Variants in HIP1 observed in about 807,000 individuals in gnomAD.
The protein encoded by HIP1 is huntingtin-interacting protein 1.
In HIP1, 65 loss-of-function variants were observed where a neutral mutation model predicts 147.6. The observed-to-expected ratio is 0.44, with a 90% CI of 0.36 to 0.54. HIP1 has a LOEUF of 0.54. Among genes scored for constraint, HIP1 ranks in the 20% least tolerant of loss-of-function variants. HIP1 has a pLI of 0.00. For missense variants in HIP1, 1,061 were observed against 1,299.6 expected, an observed-to-expected ratio of 0.82 and a Z score of 2.82; for synonymous variants, 479 against 504.0, an observed-to-expected ratio of 0.95 and a Z score of 0.67.
intron 1 of HIP1, among the ~76,000 whole-genome samples, chr7:75,676,229 T>A (rs1554515986): frequency 6.6e-6 from 1 of 152,194 alleles, no homozygotes; most frequent in African/African-American, 2.4e-5. Context: ...GGTTAGCTAA[T>A]GATTAGACAG....
In HIP1 at chr7:75,559,724, C is replaced by T; in HGVS notation, c.1375+8G>A. ...CGGGGCCCGCCCCCGCCCCCACCCA[C>T]CGCTCACTTTCTATCTCAGACAGGC... is the stretch of plus-strand genomic sequence containing the variant. On this transcript the variant is annotated splice_region_variant and intron_variant, in intron 14 of 30. Coordinates refer to ENST00000336926, the MANE Select transcript of HIP1 (RefSeq NM_005338.7). 1 of 1,511,706 alleles carries T rather than the reference C, an allele frequency of 6.6e-7. No homozygotes were observed. Among genetic ancestry groups the T allele is most frequent in the Admixed American group, 2.3e-5 (1 of 43,208 alleles). 93.6% of individuals were successfully genotyped at this position (1,511,706 alleles called of 1,614,324 possible).
At chr7:75,685,606 T>C (rs1228555266) in intron 1 of HIP1, among the ~76,000 whole-genome samples, 1 of 152,248 alleles carries the variant, frequency 6.6e-6, no homozygotes, top group Non-Finnish European at 1.5e-5. Flanking sequence ...TGGAGTGCAA[T>C]GGTGCAATCT....
chr7:75,732,233 C>A lies in HIP1; in HGVS notation c.120+6568G>T, dbSNP rs115360343. On this transcript the variant is annotated intron_variant, in intron 1 of 30. Transcript: ENST00000336926. ...AAATCACCCAGCATGTTCCTGGTAC[C>A]CAGCAGGCCCTCAATAAATATTTGT... Among the ~76,000 whole-genome samples, 267 of 152,246 alleles carry A rather than the reference C, an allele frequency of 1.8e-3. 1 individual carries two copies. Among genetic ancestry groups the A allele is most frequent in the African/African-American group, 6.4e-3 (264 of 41,570 alleles).
Position 75,573,852 on chromosome 7 carries a change from C to T in HIP1, c.654G>A (p.Gly218=), listed in dbSNP as rs1554497129. 6.2e-7 allele frequency: 1 copy of T among 1,614,104 alleles called. No individual in the cohort carries two copies. The highest frequency in any genetic ancestry group is 8.5e-7 in the Non-Finnish European group (1 of 1,179,978). The change falls in exon 8 of 31, where the codon GGG becomes GGA. Residue 218 remains glycine (G), a synonymous_variant. Transcript: ENST00000336926. ...GGATCAGCGGGGCGAGGCGGCACTG[C>T]CCTGCTGCCGTCACGGACACAGAGC... The part of the protein sequence containing the change: ...MSRSVSVTAA[G]QCRLAPLIQV...
chr7:75,688,616 C>G (rs1800345358), intron 1 of HIP1, among the ~76,000 whole-genome samples: 1 of 152,098 alleles, frequency 6.6e-6, no homozygotes. Flanking sequence ...GGTCTGGCCC[C>G]GAGCCCACCA....
rs1013214512 is a variant in HIP1, at chr7:75,584,365, A to G, written c.466-2214T>C. ...AATGCTGGGATTGCAGGTGTGAGCCACTCTGCCCAGCCTCCTTCCCCACTC... is the reference window on the plus strand; with the variant it reads ...AATGCTGGGATTGCAGGTGTGAGCCGCTCTGCCCAGCCTCCTTCCCCACTC... On this transcript the variant is annotated intron_variant, in intron 5 of 30. Coordinates refer to ENST00000336926, the MANE Select transcript of HIP1 (RefSeq NM_005338.7). Among the ~76,000 whole-genome samples, 6 of 152,110 alleles carry G rather than the reference A, an allele frequency of 3.9e-5. No individual in the cohort carries two copies. In the South Asian group the frequency reaches 6.2e-4, roughly 16 times the overall value.
At chr7:75,555,379 G>GT (rs1365741743) in intron 19 of HIP1, 37 bp downstream of exon 19, 1 of 1,611,362 alleles carries the variant, frequency 6.2e-7, no homozygotes, top group Non-Finnish European at 8.5e-7. Context: ...AGGCTGTAAG[G>GT]ACCTGGCCCC....
At chr7:75,589,122 C>T (rs1173712725) in intron 4 of HIP1, among the ~76,000 whole-genome samples, 3 of 149,384 alleles carry the variant, frequency 2.0e-5, no homozygotes, top group Non-Finnish European at 3.0e-5. Flanking sequence ...TGCCCTCCAG[C>T]CTGGGCAACA....
At chr7:75,734,209 G>A (rs925366551) in intron 1 of HIP1, among the ~76,000 whole-genome samples, 1 of 151,758 alleles carries the variant, frequency 6.6e-6, no homozygotes, top group East Asian at 1.9e-4. Context: ...TGGCGCCACT[G>A]CACTCCAGCC....
At position 75,562,918 on chromosome 7, in the gene HIP1, T is replaced by G. The variant is rs781802635; in HGVS notation, c.1020+17A>C. 8 of 1,613,648 alleles carry G rather than the reference T, an allele frequency of 5.0e-6. No individual in the cohort carries two copies. Among genetic ancestry groups the G allele is most frequent in the Non-Finnish European group, 6.8e-6 (8 of 1,179,816 alleles). Reference sequence around the variant, plus strand: ...GGTGAGAGGAAAGGCCAAGTTTCTCTCCCAAGTGGTCCTCACCTGCTGAGA... The same window carrying G: ...GGTGAGAGGAAAGGCCAAGTTTCTCGCCCAAGTGGTCCTCACCTGCTGAGA... On this transcript the variant is annotated intron_variant, in intron 11 of 30. Transcript: ENST00000336926.
At chr7:75,594,501 C>T (rs1437695047) in intron 2 of HIP1, among the ~76,000 whole-genome samples, 5 of 152,108 alleles carry the variant, frequency 3.3e-5, no homozygotes, top group African/African-American at 4.8e-5. Context: ...CAGGGTTGGG[C>T]GTGGTGGCTC....
At chr7:75,720,133 G>GT (rs111710538) in intron 1 of HIP1, among the ~76,000 whole-genome samples, 22,670 of 151,910 alleles carry the variant, frequency 0.15, 1,856 homozygotes, top group Middle Eastern at 0.22. Flanking sequence ...CAGGTTTCAA[G>GT]TTTTTTGTTT....
chr7:75,570,964 T>C (rs890395294), intron 8 of HIP1, among the ~76,000 whole-genome samples: 11 of 152,118 alleles, frequency 7.2e-5, no homozygotes, highest in African/African-American at 1.7e-4. Flanking sequence ...GGGATGAGAT[T>C]GTGCCACTGC....
intron 5 of HIP1, 67 bp downstream of exon 5, chr7:75,586,686 A>G: frequency 1.0e-6 from 1 of 960,500 alleles, no homozygotes; most frequent in Non-Finnish European, 1.7e-6. Flanking sequence ...AAATGAGCCC[A>G]GGGAGGGGCT....
chr7:75,664,378 A>G (rs62651319), intron 1 of HIP1, among the ~76,000 whole-genome samples: 4 of 56,652 alleles, frequency 7.1e-5, no homozygotes, highest in Non-Finnish European at 3.3e-5. Flanking sequence ...ACACATACAT[A>G]TGTGTATGTA....
chr7:75,604,912 G>T (rs587649551), intron 1 of HIP1, among the ~76,000 whole-genome samples: 1 of 152,086 alleles, frequency 6.6e-6, no homozygotes, highest in Non-Finnish European at 1.5e-5. Flanking sequence ...CATAAGCCAC[G>T]TAAAATAATA....
chr7:75,679,469 G>T (rs1224895030), intron 1 of HIP1, among the ~76,000 whole-genome samples: 1 of 152,214 alleles, frequency 6.6e-6, no homozygotes, highest in Non-Finnish European at 1.5e-5. Context: ...CTCCCAAAGT[G>T]TTGGGATTAC....
chr7:75,688,632 A>G (rs977522110), intron 1 of HIP1, among the ~76,000 whole-genome samples: 3 of 152,020 alleles, frequency 2.0e-5, no homozygotes, highest in African/African-American at 7.2e-5. Context: ...CACCACCAGC[A>G]GCTGCCTACT....
At chr7:75,548,278 C>T (rs1393873351) in intron 23 of HIP1, among the ~76,000 whole-genome samples, 3 of 151,756 alleles carry the variant, frequency 2.0e-5, no homozygotes, top group South Asian at 4.1e-4. Flanking sequence ...CTGCCTGCCT[C>T]GGCCTCCCAA....
Sources: allele counts gnomAD v4.1 joint callset (sites outside exome capture counted in the v4.1 genomes callset), GRCh38; gene constraint gnomAD v4.1.1; transcripts MANE v1.5; gene names NCBI Gene and HGNC (gene_info 2026-07-23, HGNC 2026-07-21).